The following TENM4 variants were observed in gnomAD, a reference collection of about 807,000 sequenced individuals.
The protein encoded by TENM4 is teneurin transmembrane protein 4, also known as teneurin-4.
Under a neutral mutation model 243.3 loss-of-function variants are expected in TENM4, and 82 were observed. That is an observed-to-expected ratio of 0.34 (90% CI 0.28 to 0.40). TENM4 has a LOEUF of 0.40. Ranked by LOEUF, TENM4 falls within the 10% of genes least tolerant of loss-of-function variation. The probability of loss-of-function intolerance (pLI) is 1.00; values close to 1 mark genes in which losing one functional copy is unlikely to be tolerated. For synonymous variants in TENM4, 1,412 were observed against 1,456.3 expected (o/e 0.97, Z 0.69); for missense variants, 3,138 against 3,673.3 (o/e 0.85, Z 3.77).
intron 6 of TENM4, among the ~76,000 whole-genome samples, chr11:79,004,527 A>C (rs1391858729): frequency 6.6e-6 from 1 of 152,226 alleles, no homozygotes; most frequent in Non-Finnish European, 1.5e-5. Flanking sequence ...TAAAGTATGA[A>C]ACTAAGGCAG....
chr11:79,139,079 A>AAAAC (rs1565220151), intron 4 of TENM4, among the ~76,000 whole-genome samples: 6 of 35,822 alleles, frequency 1.7e-4, no homozygotes, highest in South Asian at 1.5e-3. Flanking sequence ...ATAAATATAT[A>AAAAC]TTATATTTCT....
At chr11:78,675,025 C>A (rs867830458) in intron 30 of TENM4, among the ~76,000 whole-genome samples, 14 of 152,128 alleles carry the variant, frequency 9.2e-5, no homozygotes, top group Middle Eastern at 6.8e-3. Flanking sequence ...CCCATCATAC[C>A]CAGCTAATTT....
intron 6 of TENM4, among the ~76,000 whole-genome samples, chr11:79,006,383 C>G (rs942829669): frequency 6.6e-6 from 1 of 152,126 alleles, no homozygotes; most frequent in African/African-American, 2.4e-5. Context: ...AATAGGATAG[C>G]TATGATATAC....
At chr11:79,354,170 C>A (rs556200677) in intron 1 of TENM4, among the ~76,000 whole-genome samples, 1 of 152,224 alleles carries the variant, frequency 6.6e-6, no homozygotes, top group Non-Finnish European at 1.5e-5. Context: ...CCTTAACACT[C>A]TGCCTGGCAC....
chr11:79,243,679 G>T (rs186274040), intron 2 of TENM4, among the ~76,000 whole-genome samples: 149 of 152,340 alleles, frequency 9.8e-4, no homozygotes, highest in African/African-American at 3.4e-3. Context: ...GAAGAACAGT[G>T]CCGAGAGCCT....
rs557745955 is a variant in TENM4 at position 79,102,631 on chromosome 11, C to T, written c.-65-32622G>A. 1.3e-3 allele frequency among the ~76,000 whole-genome samples: 204 copies of T among 152,354 alleles called. 1 individual carries two copies. Among genetic ancestry groups the T allele is most frequent in the Middle Eastern group, 0.01 (3 of 294 alleles). ...CATGGTGCCTTGCACACCGTAAGCA[C>T]CATGGTCATTGCTATCGCTTTTGTC... On this transcript the variant is annotated intron_variant, in intron 4 of 33. Coordinates refer to ENST00000278550, the MANE Select transcript of TENM4 (RefSeq NM_001098816.3).
chr11:78,715,785 A>G (rs192935507), intron 25 of TENM4, among the ~76,000 whole-genome samples: 14 of 152,278 alleles, frequency 9.2e-5, no homozygotes, highest in Admixed American at 2.6e-4. Flanking sequence ...ATACATCTCA[A>G]CAGCCCTTTC....
intron 6 of TENM4, among the ~76,000 whole-genome samples, chr11:78,947,747 G>A (rs1445043655): frequency 6.6e-6 from 1 of 152,042 alleles, no homozygotes; most frequent in Non-Finnish European, 1.5e-5. Context: ...TCCTGCCTCG[G>A]CACAGAAGGG....
chr11:78,916,657 A>T (rs111291991), intron 6 of TENM4, among the ~76,000 whole-genome samples: 2,015 of 152,322 alleles, frequency 0.013, 55 homozygotes, highest in African/African-American at 0.046. Context: ...AGGTTTCCTT[A>T]GTTCATCTTC....
At chr11:79,270,875 G>C (rs1236516371) in intron 2 of TENM4, among the ~76,000 whole-genome samples, 2 of 152,160 alleles carry the variant, frequency 1.3e-5, no homozygotes. Context: ...GCAGAGGGCT[G>C]GGCTCACAGA....
At chr11:78,946,466 T>A (rs1591153027) in intron 6 of TENM4, among the ~76,000 whole-genome samples, 1 of 152,372 alleles carries the variant, frequency 6.6e-6, no homozygotes, top group Non-Finnish European at 1.5e-5. Flanking sequence ...AGAGCTCTGA[T>A]GGAGATAACT....
chr11:78,871,023 C>G (rs1165315832), intron 9 of TENM4, among the ~76,000 whole-genome samples: 1 of 152,184 alleles, frequency 6.6e-6, no homozygotes, highest in Non-Finnish European at 1.5e-5. Context: ...CCCCACCAAC[C>G]TTTGGACTCA....
At chr11:78,737,429 A>G (rs1855826545) in intron 20 of TENM4, among the ~76,000 whole-genome samples, 1 of 152,222 alleles carries the variant, frequency 6.6e-6, no homozygotes, top group Admixed American at 6.5e-5. Context: ...AGAGGCACAC[A>G]TGTCTACAAA....
At chr11:78,987,844 A>G (rs922256956) in intron 6 of TENM4, among the ~76,000 whole-genome samples, 1 of 151,872 alleles carries the variant, frequency 6.6e-6, no homozygotes, top group Non-Finnish European at 1.5e-5. Flanking sequence ...TATTTGATAG[A>G]TGAAGAAACT....
At chr11:78,841,764 C>T (rs1858263701) in intron 12 of TENM4, among the ~76,000 whole-genome samples, 1 of 152,106 alleles carries the variant, frequency 6.6e-6, no homozygotes, top group East Asian at 1.9e-4. Context: ...CATCTGTCTC[C>T]TTCCCTGCTC....
At chr11:78,809,456 G>C (rs368558722) in intron 14 of TENM4, among the ~76,000 whole-genome samples, 4 of 152,330 alleles carry the variant, frequency 2.6e-5, no homozygotes, top group African/African-American at 9.6e-5. Flanking sequence ...TATAGGGCCA[G>C]TATCTATGCC....
chr11:79,049,497 A>G (rs898633069), intron 6 of TENM4, among the ~76,000 whole-genome samples: 33 of 152,340 alleles, frequency 2.2e-4, no homozygotes, highest in African/African-American at 7.7e-4. Flanking sequence ...TCCAAGAGGC[A>G]GGGGGCAGAA....
At chr11:79,436,461 A>G (rs1165250455) in intron 1 of TENM4, among the ~76,000 whole-genome samples, 1 of 152,188 alleles carries the variant, frequency 6.6e-6, no homozygotes, top group East Asian at 1.9e-4. Flanking sequence ...CATGATTCCA[A>G]CCCAATAGTT....
At chr11:78,994,947 C>T (rs1858135100) in intron 6 of TENM4, among the ~76,000 whole-genome samples, 1 of 152,132 alleles carries the variant, frequency 6.6e-6, no homozygotes, top group African/African-American at 2.4e-5. Context: ...GAATAAAACG[C>T]AATTCTGGTC....
Sources: gnomAD v4.1 joint callset for allele counts (sites outside exome capture counted in the v4.1 genomes callset) on GRCh38, gnomAD v4.1.1 for gene constraint, MANE v1.5 for transcripts, NCBI Gene and HGNC (gene_info 2026-07-23, HGNC 2026-07-21) for gene names.